PLD5: variants seen among roughly 807,000 people sequenced by gnomAD.
PLD5 encodes the protein phospholipase D family member 5, also known as inactive phospholipase D5.
A neutral mutation model predicts 61.1 loss-of-function variants in PLD5; 36 were observed. That is an observed-to-expected ratio of 0.59 (90% confidence interval 0.45 to 0.78). The LOEUF (loss-of-function observed/expected upper bound fraction) is 0.78, where lower values mean the gene tolerates loss of function less well. Among genes scored for constraint, PLD5 ranks in the 30% least tolerant of loss-of-function variants. PLD5 has a pLI of 0.00. For missense variants in PLD5, 515 were observed against 644.4 expected (o/e 0.80, Z 2.17); for synonymous variants, 243 against 242.8 (o/e 1.00, Z -0.01).
chr1:242,232,952 C>T lies in PLD5; in HGVS notation c.608-12837G>A, dbSNP rs574563884. On this transcript the variant is annotated intron_variant, in intron 4 of 9. Coordinates refer to ENST00000536534, the MANE Select transcript of PLD5 (RefSeq NM_001372062.1). ...GGTGGATCACCTGAGGTCAGAAGTT[C>T]GAGACCAGCCTGGCCAATATGGCAA... Among the ~76,000 whole-genome samples, 9 of 152,200 alleles carry T rather than the reference C, an allele frequency of 5.9e-5. No individual in the cohort carries two copies. In the East Asian group the frequency reaches 1.5e-3, roughly 26 times the overall value.
At chr1:242,503,782 T>C (rs1280257482) in intron 1 of PLD5, among the ~76,000 whole-genome samples, 1 of 152,184 alleles carries the variant, frequency 6.6e-6, no homozygotes, top group Admixed American at 6.5e-5. Flanking sequence ...CCTTTGAATT[T>C]TTTTTTTAAA....
intron 1 of PLD5, among the ~76,000 whole-genome samples, chr1:242,511,410 G>A (rs1422907986): frequency 6.6e-6 from 1 of 151,968 alleles, no homozygotes; most frequent in Admixed American, 6.6e-5. Context: ...GTGTAGAGAG[G>A]GAAAAATAGT....
chr1:242,495,536 C>T (rs1668342816), intron 1 of PLD5, among the ~76,000 whole-genome samples: 1 of 151,996 alleles, frequency 6.6e-6, no homozygotes, highest in African/African-American at 2.4e-5. Context: ...TTCAATGTTA[C>T]TGAGATGTTA....
chr1:242,271,770 T>C (rs575700220), intron 3 of PLD5, among the ~76,000 whole-genome samples: 421 of 152,012 alleles, frequency 2.8e-3, no homozygotes, highest in Non-Finnish European at 5.1e-3. Flanking sequence ...TCAAAGAAGA[T>C]GAGGGGAGAA....
At chr1:242,506,960 A>G (rs1049428162) in intron 1 of PLD5, among the ~76,000 whole-genome samples, 1 of 152,144 alleles carries the variant, frequency 6.6e-6, no homozygotes, top group African/African-American at 2.4e-5. Flanking sequence ...AGCGGGAGCC[A>G]CCACCACCGT....
intron 1 of PLD5, 55 bp downstream of exon 1, chr1:242,524,033 G>C: frequency 6.7e-7 from 1 of 1,490,418 alleles, no homozygotes; most frequent in South Asian, 1.3e-5. Context: ...CCACCACGGG[G>C]AGGGTGCATG....
intron 5 of PLD5, among the ~76,000 whole-genome samples, chr1:242,173,166 G>A (rs1666873748): frequency 6.6e-6 from 1 of 152,104 alleles, no homozygotes; most frequent in Admixed American, 6.6e-5. Context: ...CATCGTCTCA[G>A]CCCAAAATCT....
chr1:242,241,869 CTATATATATATA>C (rs752113161), intron 4 of PLD5, among the ~76,000 whole-genome samples: 1,483 of 70,730 alleles, frequency 0.021, 26 homozygotes, highest in African/African-American at 0.028. Flanking sequence ...GCTTTACTTA[CTATATATATATA>C]TATATATATA....
rs1230740698 is a variant in PLD5, at chr1:242,088,195, C to A, written c.*1659G>T. ...CATGTATATTATGGTCCTGAAGAAC[C>A]AGCTCTAGCACGACGTCTAGTTTTG... is the stretch of plus-strand genomic sequence containing the variant. On this transcript the variant is annotated 3_prime_UTR_variant, in exon 10 of 10. Transcript: ENST00000536534. The A allele has an allele frequency of 1.3e-5, 2 of 152,136 alleles. No individual in the cohort carries two copies. The highest frequency in any genetic ancestry group is 4.8e-5 in the African/African-American group (2 of 41,432). The allele number at this position is 152,136 out of a possible 1,614,324, so 9.4% of individuals were successfully genotyped here. A position where few individuals can be genotyped will look rare whatever the true frequency, so the allele number is the denominator to read the frequency against.
At chr1:242,251,199 C>G (rs1304003974) in intron 4 of PLD5, among the ~76,000 whole-genome samples, 2 of 151,952 alleles carry the variant, frequency 1.3e-5, no homozygotes, top group African/African-American at 4.8e-5. Flanking sequence ...AATGTGTGGG[C>G]CATCTGCATA....
chr1:242,335,357 G>A (rs547256954), intron 2 of PLD5, among the ~76,000 whole-genome samples: 10 of 152,232 alleles, frequency 6.6e-5, no homozygotes, highest in African/African-American at 2.4e-4. Context: ...ATAAGTGATA[G>A]CTGTCATAAC....
At chr1:242,146,846 A>G (rs1476061113) in intron 5 of PLD5, among the ~76,000 whole-genome samples, 1 of 152,136 alleles carries the variant, frequency 6.6e-6, no homozygotes, top group East Asian at 1.9e-4. Context: ...GGAATCACGG[A>G]CTCACAGGAA....
intron 2 of PLD5, among the ~76,000 whole-genome samples, chr1:242,304,776 T>C (rs528093378): frequency 2.0e-5 from 3 of 152,242 alleles, no homozygotes; most frequent in Admixed American, 1.3e-4. Flanking sequence ...CTTCATTGAA[T>C]GTTTCTATAA....
At chr1:242,141,323 A>G (rs898240886) in intron 5 of PLD5, among the ~76,000 whole-genome samples, 15 of 152,098 alleles carry the variant, frequency 9.9e-5, no homozygotes, top group African/African-American at 3.6e-4. Flanking sequence ...CAGGCTCCCG[A>G]TGACATTTTC....
chr1:242,257,411 C>T (rs1265635347), intron 4 of PLD5, among the ~76,000 whole-genome samples: 1 of 152,144 alleles, frequency 6.6e-6, no homozygotes, highest in Non-Finnish European at 1.5e-5. Context: ...CTGAGCAGGA[C>T]TGTGTTAACA....
chr1:242,281,870 C>T lies in PLD5; in HGVS notation c.495+6492G>A, dbSNP rs2841909. Reference sequence around the variant, plus strand: ...GAGAGTAAGACTGTGGGTGTGTGCGCGCACACACACTTGAAGATTTATAAT... The same window carrying T: ...GAGAGTAAGACTGTGGGTGTGTGCGTGCACACACACTTGAAGATTTATAAT... On this transcript the variant is annotated intron_variant, in intron 3 of 9. Transcript: ENST00000536534. Among the ~76,000 whole-genome samples the T allele has an allele frequency of 2.0e-3, 305 of 152,026 alleles. 1 individual carries two copies. Among genetic ancestry groups the T allele is most frequent in the East Asian group, 0.017 (86 of 5,148 alleles).
chr1:242,395,658 T>C (rs1663527510), intron 1 of PLD5, among the ~76,000 whole-genome samples: 1 of 152,170 alleles, frequency 6.6e-6, no homozygotes, highest in Non-Finnish European at 1.5e-5. Flanking sequence ...TGACCACGGC[T>C]AATGGAAACA....
intron 5 of PLD5, among the ~76,000 whole-genome samples, chr1:242,163,727 T>C (rs1205483921): frequency 6.6e-6 from 1 of 151,194 alleles, no homozygotes; most frequent in Non-Finnish European, 1.5e-5. Flanking sequence ...TTCAGCAAAG[T>C]AAGGAGAGAA....
At chr1:242,435,403 T>A (rs1361653950) in intron 1 of PLD5, among the ~76,000 whole-genome samples, 1 of 149,540 alleles carries the variant, frequency 6.7e-6, no homozygotes, top group South Asian at 2.1e-4. Flanking sequence ...TTAGCATCTG[T>A]GTGTTTTTTG....
Sources: gnomAD v4.1 joint callset for allele counts (sites outside exome capture counted in the v4.1 genomes callset) on GRCh38, gnomAD v4.1.1 for gene constraint, MANE v1.5 for transcripts, NCBI Gene and HGNC (gene_info 2026-07-23, HGNC 2026-07-21) for gene names.